KDM4C: variants seen among roughly 807,000 people sequenced by gnomAD.
The protein encoded by KDM4C is lysine demethylase 4C, also known as lysine-specific demethylase 4C.
In KDM4C, 81 loss-of-function variants were observed where a neutral mutation model predicts 129.3. The ratio of observed to expected loss-of-function variants is 0.63; its 90% CI spans 0.52 to 0.75. The LOEUF is 0.75. Ranked by LOEUF, KDM4C falls within the 30% of genes least tolerant of loss-of-function variation. The probability of loss-of-function intolerance (pLI) is 0.00; values close to 1 mark genes in which losing one functional copy is unlikely to be tolerated. For missense variants in KDM4C, 1,457 were observed against 1,304.0 expected, an observed-to-expected ratio of 1.12 and a Z score of -1.81; for synonymous variants, 573 against 456.1, an observed-to-expected ratio of 1.26 and a Z score of -3.26.
chr9:7,169,162 AACCCAT>A (rs1844703523), intron 20 of KDM4C, among the ~76,000 whole-genome samples: 1 of 152,042 alleles, frequency 6.6e-6, no homozygotes, highest in Admixed American at 6.6e-5. Flanking sequence ...TGACAGACCC[AACCCAT>A]TTTAATGCTG....
At chr9:6,889,251 G>GTGTGTGTGT (rs61683546) in intron 7 of KDM4C, among the ~76,000 whole-genome samples, 7 of 137,872 alleles carry the variant, frequency 5.1e-5, no homozygotes, top group East Asian at 2.2e-4. Flanking sequence ...GTGTGTGTGT[G>GTGTGTGTGT]GGAGGGTGGG....
chr9:7,063,926 A>G (rs953140678), intron 17 of KDM4C, among the ~76,000 whole-genome samples: 1 of 152,200 alleles, frequency 6.6e-6, no homozygotes, highest in African/African-American at 2.4e-5. Context: ...CTGAGTCTCA[A>G]GAAGTTCTAG....
intron 1 of KDM4C, among the ~76,000 whole-genome samples, chr9:6,774,498 C>T (rs946549721): frequency 6.6e-6 from 1 of 151,914 alleles, no homozygotes; most frequent in Admixed American, 6.6e-5. Flanking sequence ...GACCCTGTCT[C>T]TACTAAAAAT....
intron 1 of KDM4C, among the ~76,000 whole-genome samples, chr9:6,771,419 C>A (rs1277903507): frequency 6.6e-6 from 1 of 151,980 alleles, no homozygotes; most frequent in Non-Finnish European, 1.5e-5. Context: ...TCAAGTGATT[C>A]TCCTGCCTCA....
intron 18 of KDM4C, among the ~76,000 whole-genome samples, chr9:7,105,180 G>A (rs1837538228): frequency 6.6e-6 from 1 of 152,172 alleles, no homozygotes; most frequent in Admixed American, 6.5e-5. Flanking sequence ...GTGGTGCCTT[G>A]CCCTTAACAG....
chr9:6,789,023 G>T (rs913566023), intron 1 of KDM4C, among the ~76,000 whole-genome samples: 2 of 151,812 alleles, frequency 1.3e-5, no homozygotes, highest in Non-Finnish European at 1.5e-5. Flanking sequence ...TAGTAGTTAG[G>T]TGAGGGCCAG....
chr9:6,858,547 G>A (rs1412279679), intron 5 of KDM4C, among the ~76,000 whole-genome samples: 1 of 152,126 alleles, frequency 6.6e-6, no homozygotes, highest in African/African-American at 2.4e-5. Context: ...GCCTAGGTGG[G>A]CGGATCATTT....
At chr9:6,750,038 T>G (rs1272341991) in intron 1 of KDM4C, among the ~76,000 whole-genome samples, 1 of 124,648 alleles carries the variant, frequency 8.0e-6, no homozygotes, top group Non-Finnish European at 1.7e-5. Context: ...CAGAGGAAAA[T>G]GTACTTGCTG....
chr9:7,103,811 G>A lies in KDM4C; in HGVS notation c.2551G>A (p.Asp851Asn). 1 of 1,614,016 alleles carries A rather than the reference G, an allele frequency of 6.2e-7. No homozygotes were observed. Among genetic ancestry groups the A allele is most frequent in the Non-Finnish European group, 8.5e-7 (1 of 1,179,942 alleles). ...AHAAGVLMEP[D>N]DWPYVVNITC... ...TGCTGCTGGGGTACTGATGGAGCCT[G>A]ATGACTGGCCTTATGTGGTGAACAT... is the stretch of plus-strand genomic sequence containing the variant. The change falls in exon 18 of 22, where the codon GAT (aspartate) becomes AAT (asparagine). Residue 851 changes from aspartate (D) to asparagine (N), a missense_variant. By Grantham distance (23) the Asp-to-Asn change is conservative (BLOSUM62 1). Transcript: ENST00000381309.
Position 6,805,546 on chromosome 9 carries a change from A to C in KDM4C, c.145-53A>C, listed in dbSNP as rs1034655589. The C allele has an allele frequency of 3.1e-6, 4 of 1,299,846 alleles. No homozygotes were observed. In the African/African-American group the frequency reaches 4.5e-5, roughly 15 times the overall value. 80.5% of individuals were successfully genotyped at this position (1,299,846 alleles called of 1,614,324 possible). A position where few individuals can be genotyped will look rare whatever the true frequency, so the allele number is the denominator to read the frequency against. On this transcript the variant is annotated intron_variant, in intron 2 of 21. Coordinates refer to ENST00000381309, the MANE Select transcript of KDM4C (RefSeq NM_015061.6). ...AGTTTATCAGAATACTTAAAAGCTAAATTACTTGGAGTATTTTCAAGATGA... is the reference window on the plus strand; with the variant it reads ...AGTTTATCAGAATACTTAAAAGCTACATTACTTGGAGTATTTTCAAGATGA...
intron 4 of KDM4C, among the ~76,000 whole-genome samples, chr9:6,839,308 C>T (rs10975843): frequency 2.6e-5 from 4 of 152,010 alleles, no homozygotes; most frequent in African/African-American, 7.3e-5. Context: ...TTGCTCCCTG[C>T]AGCCGTGACC....
chr9:7,049,298 C>A, intron 17 of KDM4C, 98 bp downstream of exon 17: 1 of 543,830 alleles, frequency 1.8e-6, no homozygotes, highest in East Asian at 3.3e-5. Flanking sequence ...ATATTTTCTC[C>A]TAGCTTTCTT....
At chr9:6,942,631 T>TG (rs1439793234) in intron 8 of KDM4C, 1 of 152,146 alleles carries the variant, frequency 6.6e-6, no homozygotes, top group Non-Finnish European at 1.5e-5. Flanking sequence ...CTTCTTCCTG[T>TG]GGGGTTTGTG....
chr9:6,911,725 T>C (rs1280832178), intron 8 of KDM4C, among the ~76,000 whole-genome samples: 1 of 152,254 alleles, frequency 6.6e-6, no homozygotes, highest in African/African-American at 2.4e-5. Flanking sequence ...ATTGTGGTCA[T>C]GAAGCTTTTG....
intron 19 of KDM4C, among the ~76,000 whole-genome samples, chr9:7,155,408 G>A (rs1587906157): frequency 6.6e-6 from 1 of 151,744 alleles, no homozygotes; most frequent in African/African-American, 2.4e-5. Context: ...TGCACAATGT[G>A]CAGGTTTGAT....
At chr9:6,964,002 TAGA>T (rs1830466876) in intron 8 of KDM4C, among the ~76,000 whole-genome samples, 1 of 152,220 alleles carries the variant, frequency 6.6e-6, no homozygotes, top group Non-Finnish European at 1.5e-5. Flanking sequence ...TTTTGACTGT[TAGA>T]AAGCTAAGAA....
At chr9:6,903,077 T>A (rs981071092) in intron 8 of KDM4C, among the ~76,000 whole-genome samples, 3 of 152,192 alleles carry the variant, frequency 2.0e-5, no homozygotes, top group African/African-American at 4.8e-5. Context: ...TTCATATACT[T>A]CAGGTTTTTT....
chr9:7,128,123 C>T lies in KDM4C; in HGVS notation c.2668C>T (p.Arg890Trp), dbSNP rs1245703983. 4 of 1,612,208 alleles carry T rather than the reference C, an allele frequency of 2.5e-6. No individual in the cohort carries two copies. The highest frequency in any genetic ancestry group is 3.4e-6 in the Non-Finnish European group (4 of 1,179,282). Residue 890 changes from arginine (R) to tryptophan (W), a missense_variant, in exon 19 of 22, where the codon CGG becomes TGG. Coordinates refer to ENST00000381309, the MANE Select transcript of KDM4C (RefSeq NM_015061.6). Reference sequence around the variant, plus strand: ...GGGTCAAACGGTCATCACGAAGCATCGGAACACCCGGTATTACAGTTGCAG... The same window carrying T: ...GGGTCAAACGGTCATCACGAAGCATTGGAACACCCGGTATTACAGTTGCAG... ...SVGQTVITKHRNTRYYSCRVM... is the reference protein window; with the variant it reads ...SVGQTVITKHWNTRYYSCRVM...
chr9:7,066,609 AG>A (rs1324352869), intron 17 of KDM4C, among the ~76,000 whole-genome samples: 8 of 152,352 alleles, frequency 5.3e-5, no homozygotes, highest in African/African-American at 1.7e-4. Flanking sequence ...TAATTTTTAT[AG>A]TGGTATTTGT....
Sources: allele counts gnomAD v4.1 joint callset (sites outside exome capture counted in the v4.1 genomes callset), GRCh38; gene constraint gnomAD v4.1.1; transcripts MANE v1.5; gene names NCBI Gene and HGNC (gene_info 2026-07-23, HGNC 2026-07-21).